ZCWPW1: variants seen among roughly 807,000 people sequenced by gnomAD.
The protein encoded by ZCWPW1 is zinc finger CW-type and PWWP domain containing 1.
A neutral mutation model predicts 81.3 loss-of-function variants in ZCWPW1; 56 were observed. The observed-to-expected ratio is 0.69, with a 90% CI of 0.56 to 0.86. ZCWPW1 has a LOEUF of 0.86. ZCWPW1 is among the 40% of genes least tolerant of loss of function. ZCWPW1 has a pLI of 0.00. For synonymous variants in ZCWPW1, 250 were observed against 273.7 expected (o/e 0.91, Z 0.86); for missense variants, 650 against 769.8 (o/e 0.84, Z 1.84).
intron 8 of ZCWPW1, among the ~76,000 whole-genome samples, chr7:100,413,019 C>T (rs996089157): frequency 1.3e-5 from 2 of 152,190 alleles, no homozygotes; most frequent in African/African-American, 4.8e-5. Context: ...TCCCAAAGTG[C>T]TGGGATTACA....
chr7:100,411,446 A>C (rs1159408648), intron 8 of ZCWPW1, among the ~76,000 whole-genome samples: 1 of 151,864 alleles, frequency 6.6e-6, no homozygotes, highest in African/African-American at 2.4e-5. Flanking sequence ...TTTTGTATTT[A>C]TTGACAGAGG....
In ZCWPW1 at chr7:100,409,516, G is replaced by C; in HGVS notation, c.783C>G (p.Ser261=). The C allele has an allele frequency of 6.2e-7, 1 of 1,613,974 alleles. No individual in the cohort carries two copies. ...FGQCLVWVQC[S]FPNCGKWRRL... ...GCCTCCATTTCCCACAGTTTGGGAA[G>C]GAACACTGGACCCAGACCAGACATT... The change falls in exon 9 of 18, where the codon TCC becomes TCG. Residue 261 remains serine, a synonymous_variant. Coordinates refer to ENST00000684423, the MANE Select transcript of ZCWPW1 (RefSeq NM_001386010.1).
chr7:100,402,165 TC>T (rs1267483642), intron 16 of ZCWPW1, 124 bp from the exon 17 acceptor site: 2 of 1,286,578 alleles, frequency 1.6e-6, no homozygotes, highest in Non-Finnish European at 2.1e-6. Context: ...TAGTGAGTTT[TC>T]CTGGTGGCCT....
intron 15 of ZCWPW1, 47 bp from the exon 16 acceptor site, chr7:100,402,623 T>C (rs776092184): frequency 6.4e-7 from 1 of 1,570,910 alleles, no homozygotes; most frequent in Non-Finnish European, 8.8e-7. Flanking sequence ...TCAAGGCCCC[T>C]AACTGTTTTT....
intron 8 of ZCWPW1, among the ~76,000 whole-genome samples, chr7:100,415,670 TACC>T (rs2130723196): frequency 6.6e-6 from 1 of 152,316 alleles, no homozygotes; most frequent in South Asian, 2.1e-4. Flanking sequence ...TTACCTTTCT[TACC>T]ACATCTTCTA....
chr7:100,404,132 G>A (rs774381056), intron 14 of ZCWPW1, 46 bp downstream of exon 14: 2 of 1,593,092 alleles, frequency 1.3e-6, no homozygotes, highest in African/African-American at 2.7e-5. Flanking sequence ...CCTCATGAAG[G>A]AATCCCTCCC....
chr7:100,417,307 A>G, intron 5 of ZCWPW1, 124 bp from the exon 6 acceptor site: 1 of 632,378 alleles, frequency 1.6e-6, no homozygotes, highest in Non-Finnish European at 2.7e-6. Context: ...GTCATATCAC[A>G]GAACTTTAAA....
chr7:100,410,454 T>C (rs1355169091), intron 8 of ZCWPW1, among the ~76,000 whole-genome samples: 1 of 152,152 alleles, frequency 6.6e-6, no homozygotes, highest in African/African-American at 2.4e-5. Flanking sequence ...CCATTGCTAC[T>C]ACTCTCCAAC....
intron 1 of ZCWPW1, among the ~76,000 whole-genome samples, chr7:100,426,345 T>C (rs1797325238): frequency 6.6e-6 from 1 of 151,946 alleles, no homozygotes. Flanking sequence ...ATACAAAAAT[T>C]AGCCAGCGTG....
chr7:100,403,216 A>ATT (rs11338339), intron 15 of ZCWPW1, among the ~76,000 whole-genome samples: 12 of 141,126 alleles, frequency 8.5e-5, no homozygotes, highest in African/African-American at 2.1e-4. Context: ...TGTCTAAACA[A>ATT]TTTTTTTTTT....
intron 15 of ZCWPW1, among the ~76,000 whole-genome samples, 183 bp downstream of exon 15, chr7:100,403,511 A>C (rs1792362502): frequency 7.0e-6 from 1 of 143,458 alleles, no homozygotes. Context: ...CACCACACCC[A>C]GCCATCTAAA....
At chr7:100,403,898 T>C (rs1792437851) in intron 14 of ZCWPW1, 113 bp from the exon 15 acceptor site, 2 of 1,148,348 alleles carry the variant, frequency 1.7e-6, no homozygotes, top group African/African-American at 3.1e-5. Context: ...GTACAAGTGG[T>C]ATTTTCTCCA....
chr7:100,409,068 AG>A, intron 9 of ZCWPW1, among the ~76,000 whole-genome samples: 1 of 152,288 alleles, frequency 6.6e-6, no homozygotes, highest in Admixed American at 6.5e-5. Context: ...AGTTCCAAAC[AG>A]CCTAGAATTC....
intron 8 of ZCWPW1, among the ~76,000 whole-genome samples, chr7:100,411,808 A>G (rs1445352046): frequency 6.6e-6 from 1 of 152,192 alleles, no homozygotes; most frequent in Non-Finnish European, 1.5e-5. Context: ...CACTATAATG[A>G]TATGGAACTG....
Position 100,419,699 on chromosome 7 carries a change from A to G in ZCWPW1, c.213T>C (p.Asn71=), listed in dbSNP as rs779315604. The G allele has an allele frequency of 2.5e-6, 4 of 1,613,896 alleles. No individual in the cohort carries two copies. In the South Asian group the frequency reaches 3.3e-5, roughly 13 times the overall value. The stretch of plus-strand genomic sequence containing the variant: ...TTTTCTCCTGTTCCCTGCTTGGAAC[A>G]TTCTTCATGGTTGCTTTTTCCTCTT... ...KKKEEKATMK[N]VPSREQEKKR... is the part of the protein sequence containing the mutation. The change falls in exon 4 of 18, where the codon AAT becomes AAC. Residue 71 remains asparagine (N), a synonymous_variant. Transcript: ENST00000684423.
Position 100,415,028 on chromosome 7 carries a change from C to T in ZCWPW1, c.754+947G>A, listed in dbSNP as rs988929873. ...GACAGAGCAAGACTCTATCTCAAAA[C>T]GAAACAAAACAAAAAAACAAAAAAC... On this transcript the variant is annotated intron_variant, in intron 8 of 17. Transcript: ENST00000684423. 2.0e-4 allele frequency among the ~76,000 whole-genome samples: 29 copies of T among 144,318 alleles called. 1 individual carries two copies. The highest frequency in any genetic ancestry group is 6.9e-4 in the African/African-American group (27 of 38,930). 94.7% of individuals were successfully genotyped at this position (144,318 alleles called of 152,430 possible).
At chr7:100,406,890 CA>C in intron 11 of ZCWPW1, 92 bp from the exon 12 acceptor site, 5 of 1,177,544 alleles carry the variant, frequency 4.2e-6, no homozygotes, top group Non-Finnish European at 6.1e-6. Flanking sequence ...GGAATTCACC[CA>C]GAAGGAGGTG....
At chr7:100,406,580 C>G in intron 12 of ZCWPW1, 114 bp downstream of exon 12, 1 of 986,526 alleles carries the variant, frequency 1.0e-6, no homozygotes, top group South Asian at 1.5e-5. Context: ...CTTGGCACAC[C>G]TGGTCAGACA....
chr7:100,416,206 T>C (rs1795183669), intron 7 of ZCWPW1, 99 bp downstream of exon 7: 1 of 1,589,396 alleles, frequency 6.3e-7, no homozygotes, highest in Non-Finnish European at 8.6e-7. Flanking sequence ...TAGTCTCAAG[T>C]CTTGGGCTGA....
Sources: allele counts gnomAD v4.1 joint callset (sites outside exome capture counted in the v4.1 genomes callset), GRCh38; gene constraint gnomAD v4.1.1; transcripts MANE v1.5; gene names NCBI Gene and HGNC (gene_info 2026-07-23, HGNC 2026-07-21).